PCDHA5: variants seen among roughly 807,000 people sequenced by gnomAD.
The protein encoded by PCDHA5 is protocadherin alpha 5.
In PCDHA5, 43 loss-of-function variants were observed where a neutral mutation model predicts 61.6. The ratio of observed to expected loss-of-function variants is 0.70; its 90% CI spans 0.55 to 0.90. The LOEUF (loss-of-function observed/expected upper bound fraction) is 0.90, where lower values mean the gene tolerates loss of function less well. Among genes scored for constraint, PCDHA5 ranks in the 40% least tolerant of loss-of-function variants. The pLI, the probability that PCDHA5 is intolerant of heterozygous loss-of-function variation, is 0.00. For synonymous variants in PCDHA5, 627 were observed against 543.9 expected (o/e 1.15, Z -2.13); for missense variants, 1,298 against 1,222.7 (o/e 1.06, Z -0.92).
At chr5:140,973,886 T>C (rs887432391) in intron 1 of PCDHA5, among the ~76,000 whole-genome samples, 2 of 152,242 alleles carry the variant, frequency 1.3e-5, no homozygotes, top group African/African-American at 4.8e-5. Flanking sequence ...TAATGTCAAT[T>C]TGCAAATGTT....
At chr5:140,838,079 T>TATA (rs1775498021) in intron 1 of PCDHA5, among the ~76,000 whole-genome samples, 4 of 6,872 alleles carry the variant, frequency 5.8e-4, no homozygotes, top group African/African-American at 2.3e-3. Context: ...ATATATATAG[T>TATA]GTGTGTGTGT....
rs199847007 is a variant in PCDHA5, at chr5:140,883,896, C to A, written c.2352+59769C>A. ...GTGAGCGCGCGCGACTCTGGCGTGC[C>A]GCCTCTGGGCAGCAACGTGACGCTG... On this transcript the variant is annotated intron_variant, in intron 1 of 3. Transcript: ENST00000529859. The A allele has an allele frequency of 3.1e-6, 5 of 1,613,386 alleles. 1 individual carries two copies. In the South Asian group the frequency reaches 4.4e-5, roughly 14 times the overall value.
Position 140,904,868 on chromosome 5 carries a change from C to T in PCDHA5, c.2353-74081C>T, listed in dbSNP as rs188578381. 2.9e-3 allele frequency among the ~76,000 whole-genome samples: 446 copies of T among 152,022 alleles called. 2 individuals are homozygous for T. Among genetic ancestry groups the T allele is most frequent in the Middle Eastern group, 0.014 (4 of 294 alleles). Reference sequence around the variant, plus strand: ...TCTTCTGAGAATTGTCTGTTTATGTCCTTAGCTCACTTTTTGATGGGATTT... The same window carrying T: ...TCTTCTGAGAATTGTCTGTTTATGTTCTTAGCTCACTTTTTGATGGGATTT... On this transcript the variant is annotated intron_variant, in intron 1 of 3. Transcript: ENST00000529859.
chr5:140,841,746 T>G (rs1562391326), intron 1 of PCDHA5: 2 of 1,613,910 alleles, frequency 1.2e-6, no homozygotes, highest in Non-Finnish European at 1.7e-6. Flanking sequence ...AAGCTGTTTG[T>G]TTCAGAATCC....
intron 1 of PCDHA5, chr5:140,877,199 C>T (rs1345698735): frequency 8.7e-6 from 14 of 1,613,698 alleles, no homozygotes; most frequent in Non-Finnish European, 1.2e-5. Flanking sequence ...GCAGGAGGCG[C>T]AGTTAGCGAG....
chr5:140,833,449 T>C (rs2150208645), intron 1 of PCDHA5, among the ~76,000 whole-genome samples: 13 of 152,180 alleles, frequency 8.5e-5, no homozygotes, highest in African/African-American at 3.1e-4. Context: ...ATTTATCTAA[T>C]AAAATAAACT....
intron 1 of PCDHA5, among the ~76,000 whole-genome samples, chr5:140,960,717 TATTTTAGTCCATG>T (rs1244851083): frequency 3.3e-4 from 10 of 30,264 alleles, no homozygotes; most frequent in African/African-American, 2.5e-3. Flanking sequence ...ATACTCATCT[TATTTTAGTCCATG>T]ATTTTAGTCC....
intron 3 of PCDHA5, among the ~76,000 whole-genome samples, chr5:140,996,703 C>G (rs2097740523): frequency 6.6e-6 from 1 of 152,132 alleles, no homozygotes; most frequent in African/African-American, 2.4e-5. Context: ...GAACCTCTAT[C>G]TCTTTGATTT....
intron 1 of PCDHA5, among the ~76,000 whole-genome samples, chr5:140,886,497 T>A (rs2061000599): frequency 6.6e-6 from 1 of 152,160 alleles, no homozygotes; most frequent in Non-Finnish European, 1.5e-5. Context: ...TATATCTTTT[T>A]CCTTTTATGG....
chr5:140,868,940 A>C, intron 1 of PCDHA5: 1 of 1,249,404 alleles, frequency 8.0e-7, no homozygotes, highest in South Asian at 1.6e-5. Context: ...GGTTGGTCTG[A>C]ACAGTGAGGC....
chr5:140,876,715 C>A (rs570565884), intron 1 of PCDHA5: 7 of 1,614,232 alleles, frequency 4.3e-6, no homozygotes, highest in East Asian at 2.2e-5. Context: ...CGCCCTGGAC[C>A]GCGAGAGCGT....
intron 1 of PCDHA5, among the ~76,000 whole-genome samples, chr5:140,921,757 T>C (rs1361449960): frequency 6.6e-6 from 1 of 152,122 alleles, no homozygotes; most frequent in Non-Finnish European, 1.5e-5. Context: ...GGACACTTCT[T>C]GGCTACTATT....
At chr5:140,984,132 G>A (rs1395953013) in intron 3 of PCDHA5, among the ~76,000 whole-genome samples, 1 of 152,240 alleles carries the variant, frequency 6.6e-6, no homozygotes, top group African/African-American at 2.4e-5. Context: ...GTTGCAGGAT[G>A]TGGAGGCATC....
intron 1 of PCDHA5, chr5:140,843,598 C>T: frequency 6.3e-7 from 1 of 1,595,942 alleles, no homozygotes. Flanking sequence ...AGAGGGTGTG[C>T]TCTGGTGAGG....
chr5:140,823,102 G>A lies in PCDHA5; in HGVS notation c.1327G>A (p.Glu443Lys). 1.2e-6 allele frequency: 2 copies of A among 1,614,066 alleles called. No individual in the cohort carries two copies. The highest frequency in any genetic ancestry group is 1.7e-6 in the Non-Finnish European group (2 of 1,179,992). The change falls in exon 1 of 4, where the codon GAA becomes AAA. Residue 443 changes from glutamate (E) to lysine (K), a missense_variant. Coordinates refer to ENST00000529859, the MANE Select transcript of PCDHA5 (RefSeq NM_018908.3). ...SLWATASVSV[E>K]VADVNDNAPA... ...GTGGGCCACCGCCAGCGTGTCTGTG[G>A]AAGTGGCCGACGTGAACGACAACGC...
At chr5:140,876,058 C>G in intron 1 of PCDHA5, 4 of 1,613,868 alleles carry the variant, frequency 2.5e-6, no homozygotes, top group Non-Finnish European at 3.4e-6. Flanking sequence ...TGAATTAGTT[C>G]TTCGGAAGTT....
At chr5:140,963,530 A>T (rs1031416091) in intron 1 of PCDHA5, among the ~76,000 whole-genome samples, 29 of 152,216 alleles carry the variant, frequency 1.9e-4, no homozygotes, top group African/African-American at 6.8e-4. Context: ...CAGAAGTCCC[A>T]TTTACTTCAT....
rs782065777 is a variant in PCDHA5, at chr5:140,876,365, A to G, written c.2352+52238A>G. Reference sequence around the variant, plus strand: ...AAATGTATGTTTTCAATAAATCCAGACACAGGTGAAATTAGAATTTATGGT... The same window carrying G: ...AAATGTATGTTTTCAATAAATCCAGGCACAGGTGAAATTAGAATTTATGGT... On this transcript the variant is annotated intron_variant, in intron 1 of 3. Coordinates refer to ENST00000529859, the MANE Select transcript of PCDHA5 (RefSeq NM_018908.3). 60 of 1,613,862 alleles carry G rather than the reference A, an allele frequency of 3.7e-5. 2 individuals carry two copies. In the South Asian group the frequency reaches 6.5e-4, roughly 17 times the overall value.
intron 3 of PCDHA5, among the ~76,000 whole-genome samples, chr5:140,983,005 A>G (rs1468544114): frequency 2.0e-5 from 3 of 152,110 alleles, no homozygotes; most frequent in African/African-American, 4.8e-5. Flanking sequence ...AAAGAAAGAA[A>G]AAGGAAGGAA....
Sources: gnomAD v4.1 joint callset for allele counts (sites outside exome capture counted in the v4.1 genomes callset) on GRCh38, gnomAD v4.1.1 for gene constraint, MANE v1.5 for transcripts, NCBI Gene and HGNC (gene_info 2026-07-23, HGNC 2026-07-21) for gene names.